SRSF4: variants seen among roughly 807,000 people sequenced by gnomAD.
SRSF4 encodes the protein serine and arginine rich splicing factor 4, also known as serine/arginine-rich splicing factor 4.
In SRSF4, 12 loss-of-function variants were observed where a neutral mutation model predicts 48.8. That is an observed-to-expected ratio of 0.25 (90% CI 0.16 to 0.40). SRSF4 has a LOEUF of 0.40. Ranked by LOEUF, SRSF4 falls within the 10% of genes least tolerant of loss-of-function variation. SRSF4 has a pLI of 1.00. For synonymous variants in SRSF4, 248 were observed against 232.5 expected (o/e 1.07, Z -0.61); for missense variants, 466 against 667.1 (o/e 0.70, Z 3.32).
intron 3 of SRSF4, among the ~76,000 whole-genome samples, chr1:29,158,001 C>T (rs538424832): frequency 1.1e-4 from 16 of 152,188 alleles, no homozygotes; most frequent in African/African-American, 3.4e-4. Context: ...GGTGAAACCC[C>T]GCCTCTACTA....
chr1:29,178,813 C>A (rs1391363340), intron 1 of SRSF4, among the ~76,000 whole-genome samples: 1 of 152,198 alleles, frequency 6.6e-6, no homozygotes, highest in African/African-American at 2.4e-5. Context: ...AGCGTTTTTG[C>A]CATACAGGCA....
At chr1:29,168,298 T>C (rs1247279823) in intron 1 of SRSF4, among the ~76,000 whole-genome samples, 3 of 151,938 alleles carry the variant, frequency 2.0e-5, no homozygotes, top group Non-Finnish European at 4.4e-5. Flanking sequence ...CCCAAAGTGC[T>C]AGAATTACAG....
intron 4 of SRSF4, 87 bp downstream of exon 4, chr1:29,154,609 A>C (rs1672469619): frequency 3.1e-6 from 4 of 1,282,332 alleles, no homozygotes; most frequent in Non-Finnish European, 4.3e-6. Flanking sequence ...GTTATTAAGA[A>C]CTCAACAGGA....
chr1:29,157,299 C>T (rs1175537184), intron 3 of SRSF4, among the ~76,000 whole-genome samples: 4 of 152,056 alleles, frequency 2.6e-5, no homozygotes, highest in African/African-American at 9.7e-5. Flanking sequence ...TAAGCCTTTC[C>T]CCCAACAGTA....
At chr1:29,165,416 C>T (rs1332372613) in intron 1 of SRSF4, among the ~76,000 whole-genome samples, 1 of 152,208 alleles carries the variant, frequency 6.6e-6, no homozygotes, top group African/African-American at 2.4e-5. Context: ...AAGACTTCAA[C>T]TTTTGAAATG....
In SRSF4 at chr1:29,156,886, A is replaced by C. The variant is rs567478769; in HGVS notation, c.364-1976T>G. ...AAAGGCTCAGAGTTCTGGTCTCCAC[A>C]CTATTTACTGAGTACAATCACTTAG... is the stretch of plus-strand genomic sequence containing the variant. On this transcript the variant is annotated intron_variant, in intron 3 of 5. Coordinates refer to ENST00000373795, the MANE Select transcript of SRSF4 (RefSeq NM_005626.5). Among the ~76,000 whole-genome samples the C allele has an allele frequency of 3.3e-5, 5 of 152,348 alleles. No homozygotes were observed. In the East Asian group the frequency reaches 9.6e-4, roughly 29 times the overall value.
chr1:29,158,896 T>A (rs907324129), intron 3 of SRSF4, among the ~76,000 whole-genome samples: 2 of 151,300 alleles, frequency 1.3e-5, no homozygotes, highest in East Asian at 3.9e-4. Context: ...CTGAGGCGGG[T>A]GGATCACAAG....
At chr1:29,176,754 A>G (rs1468424568) in intron 1 of SRSF4, among the ~76,000 whole-genome samples, 1 of 152,192 alleles carries the variant, frequency 6.6e-6, no homozygotes, top group Non-Finnish European at 1.5e-5. Context: ...ATTATGGTGC[A>G]TTAAACAAGG....
rs181046375 is a variant in SRSF4, at chr1:29,152,647, G to A, written c.578+2049C>T. 2.6e-4 allele frequency among the ~76,000 whole-genome samples: 40 copies of A among 152,076 alleles called. 1 individual carries two copies. The highest frequency in any genetic ancestry group is 2.1e-3 in the Admixed American group (32 of 15,250). ...AGATAGGCATTTTCTCGACGGGCAC[G>A]GTGGCTCAAGACTGTAATCCAAGCA... On this transcript the variant is annotated intron_variant, in intron 4 of 5. Transcript: ENST00000373795.
intron 1 of SRSF4, among the ~76,000 whole-genome samples, chr1:29,167,384 T>C (rs967905957): frequency 2.0e-5 from 3 of 151,382 alleles, no homozygotes; most frequent in African/African-American, 7.4e-5. Flanking sequence ...AATTTTACGC[T>C]TTTTGTTTTT....
At chr1:29,172,130 TAA>T (rs1420033203) in intron 1 of SRSF4, 1 of 152,136 alleles carries the variant, frequency 6.6e-6, no homozygotes, top group Non-Finnish European at 1.5e-5. Flanking sequence ...AAGTTGACTT[TAA>T]AAAGTGACTT....
intron 1 of SRSF4, chr1:29,170,151 C>T (rs1319319106): frequency 2.6e-5 from 4 of 152,056 alleles, no homozygotes; most frequent in Non-Finnish European, 5.9e-5. Context: ...CTTTTCAACA[C>T]TAAGGATAAA....
At chr1:29,161,885 G>A (rs991215078) in intron 1 of SRSF4, among the ~76,000 whole-genome samples, 4 of 152,194 alleles carry the variant, frequency 2.6e-5, no homozygotes, top group Non-Finnish European at 5.9e-5. Flanking sequence ...GAGCCACTGC[G>A]CCCGGCCTCC....
intron 1 of SRSF4, among the ~76,000 whole-genome samples, chr1:29,175,046 G>C: frequency 6.6e-6 from 1 of 150,696 alleles, no homozygotes. Flanking sequence ...GCCCATACCT[G>C]TATGTGAAAA....
intron 1 of SRSF4, among the ~76,000 whole-genome samples, chr1:29,164,738 C>T (rs907806965): frequency 6.6e-6 from 1 of 150,570 alleles, no homozygotes; most frequent in Admixed American, 6.7e-5. Context: ...CAGGGATTGA[C>T]AGAAACACAA....
At chr1:29,177,189 G>A (rs72876967) in intron 1 of SRSF4, among the ~76,000 whole-genome samples, 1 of 151,820 alleles carries the variant, frequency 6.6e-6, no homozygotes, top group Non-Finnish European at 1.5e-5. Flanking sequence ...TTACCACAGA[G>A]CTGAAAGGGT....
intron 1 of SRSF4, among the ~76,000 whole-genome samples, chr1:29,174,279 G>T (rs534845158): frequency 2.6e-4 from 39 of 152,146 alleles, no homozygotes; most frequent in Non-Finnish European, 2.8e-4. Context: ...CCGAGTAATG[G>T]AATAGCTAGC....
chr1:29,154,226 A>G (rs1672463791), intron 4 of SRSF4, among the ~76,000 whole-genome samples: 1 of 152,038 alleles, frequency 6.6e-6, no homozygotes, highest in South Asian at 2.1e-4. Context: ...ACCACGCCCA[A>G]CTAAATTTTG....
chr1:29,181,104 A>G (rs1672948359), intron 1 of SRSF4, among the ~76,000 whole-genome samples: 2 of 152,094 alleles, frequency 1.3e-5, no homozygotes, highest in African/African-American at 4.8e-5. Context: ...TCACTAGACT[A>G]CTCAAACTGG....
Sources: gnomAD v4.1 joint callset for allele counts (sites outside exome capture counted in the v4.1 genomes callset) on GRCh38, gnomAD v4.1.1 for gene constraint, MANE v1.5 for transcripts, NCBI Gene and HGNC (gene_info 2026-07-23, HGNC 2026-07-21) for gene names.